CRB1: variants seen among roughly 807,000 people sequenced by gnomAD.
CRB1 encodes the protein crumbs cell polarity complex component 1.
In CRB1, 83 loss-of-function variants were observed where a neutral mutation model predicts 120.0. That is an observed-to-expected ratio of 0.69 (90% CI 0.58 to 0.83). The LOEUF (loss-of-function observed/expected upper bound fraction) is 0.83. CRB1 is among the 40% of genes least tolerant of loss of function. The pLI, the probability that CRB1 is intolerant of heterozygous loss-of-function variation, is 0.00. For missense variants in CRB1, 1,699 were observed against 1,687.6 expected, an observed-to-expected ratio of 1.01 and a Z score of -0.12; for synonymous variants, 625 against 612.5, an observed-to-expected ratio of 1.02 and a Z score of -0.30.
intron 1 of CRB1, among the ~76,000 whole-genome samples, chr1:197,297,271 C>T (rs567123220): frequency 1.2e-3 from 186 of 151,946 alleles, no homozygotes; most frequent in Non-Finnish European, 2.3e-3. Context: ...ATTATCTGCT[C>T]CTAATTGTTC....
chr1:197,477,607 G>A, intron 11 of CRB1, 57 bp from the exon 12 acceptor site: 2 of 1,530,704 alleles, frequency 1.3e-6, no homozygotes, highest in African/African-American at 1.4e-5. Context: ...CCATTGTCCT[G>A]AATATTTATT....
chr1:197,447,871 A>AG (rs1161277520), intron 11 of CRB1, among the ~76,000 whole-genome samples: 3 of 151,398 alleles, frequency 2.0e-5, no homozygotes, highest in Non-Finnish European at 4.4e-5. Context: ...AAAAAAAAAA[A>AG]AAAAGTCTGT....
Position 197,342,226 on chromosome 1 carries a change from A to G in CRB1, c.653-2055A>G, listed in dbSNP as rs145722316. ...AACCTGCTTTACAACAGAAATTGTC[A>G]CCACATCCTGAGGCTTCTCATTTCC... On this transcript the variant is annotated intron_variant, in intron 2 of 11. Coordinates refer to ENST00000367400, the MANE Select transcript of CRB1 (RefSeq NM_201253.3). 3.3e-3 allele frequency among the ~76,000 whole-genome samples: 499 copies of G among 152,308 alleles called. 2 individuals are homozygous for G. Among genetic ancestry groups the G allele is most frequent in the African/African-American group, 9.4e-3 (392 of 41,562 alleles).
At chr1:197,338,825 C>A (rs948220887) in intron 2 of CRB1, among the ~76,000 whole-genome samples, 3 of 151,922 alleles carry the variant, frequency 2.0e-5, no homozygotes, top group Non-Finnish European at 2.9e-5. Flanking sequence ...TTTTCTGTAT[C>A]ATCAGATTTA....
intron 4 of CRB1, among the ~76,000 whole-genome samples, chr1:197,349,383 C>T (rs1659958055): frequency 6.6e-6 from 1 of 152,180 alleles, no homozygotes. Flanking sequence ...TTTTTAAAAT[C>T]TAATTCTCAT....
chr1:197,316,425 C>T (rs1197744645), intron 1 of CRB1, among the ~76,000 whole-genome samples: 2 of 152,014 alleles, frequency 1.3e-5, no homozygotes, highest in Non-Finnish European at 2.9e-5. Context: ...CCTCGTGATC[C>T]GCCCGCCTCG....
At chr1:197,402,210 C>T (rs1027924020) in intron 5 of CRB1, among the ~76,000 whole-genome samples, 3 of 152,096 alleles carry the variant, frequency 2.0e-5, no homozygotes, top group African/African-American at 7.2e-5. Flanking sequence ...CCTCAACTTA[C>T]CCTCCATCCC....
At chr1:197,402,687 GTTT>G (rs1166776841) in intron 5 of CRB1, among the ~76,000 whole-genome samples, 1 of 152,040 alleles carries the variant, frequency 6.6e-6, no homozygotes, top group Non-Finnish European at 1.5e-5. Flanking sequence ...TAGTTTCTCA[GTTT>G]TGTTCTCTTA....
intron 5 of CRB1, among the ~76,000 whole-genome samples, chr1:197,391,490 T>C (rs528783117): frequency 2.6e-5 from 4 of 152,222 alleles, no homozygotes; most frequent in Non-Finnish European, 4.4e-5. Context: ...GTCACTGTAA[T>C]GGAAGATGAT....
chr1:197,324,560 A>G (rs1658388971), intron 1 of CRB1, among the ~76,000 whole-genome samples: 1 of 152,154 alleles, frequency 6.6e-6, no homozygotes, highest in South Asian at 2.1e-4. Flanking sequence ...TAGGCATTTT[A>G]TGTTCATTAA....
the CRB1 span, among the ~76,000 whole-genome samples, chr1:197,234,437 G>A: frequency 6.6e-6 from 1 of 152,236 alleles, no homozygotes; most frequent in Non-Finnish European, 1.5e-5. Context: ...GAGTGAGCTT[G>A]GAGAGAGATC....
chr1:197,288,365 C>T (rs1655960186), intron 1 of CRB1, among the ~76,000 whole-genome samples: 1 of 151,788 alleles, frequency 6.6e-6, no homozygotes, highest in African/African-American at 2.4e-5. Flanking sequence ...CAAATATTCT[C>T]CTCCAGATTC....
At chr1:197,338,542 T>C (rs1659280496) in intron 2 of CRB1, among the ~76,000 whole-genome samples, 1 of 152,166 alleles carries the variant, frequency 6.6e-6, no homozygotes, top group African/African-American at 2.4e-5. Flanking sequence ...TCCATGATAT[T>C]CTGGGAAGAT....
the CRB1 span, among the ~76,000 whole-genome samples, chr1:197,227,677 G>T: frequency 6.6e-6 from 1 of 152,042 alleles, no homozygotes; most frequent in African/African-American, 2.4e-5. Flanking sequence ...CTACAATTCT[G>T]GCGTCTGGGG....
At position 197,329,010 on chromosome 1, in the gene CRB1, G is replaced by A; in HGVS notation, c.652+7G>A. ...TGTCCCCACAATTATTCTGGTAAGT[G>A]TGATCATATCTGAATCACAGATGGT... On this transcript the variant is annotated splice_region_variant and intron_variant, in intron 2 of 11. Coordinates refer to ENST00000367400, the MANE Select transcript of CRB1 (RefSeq NM_201253.3). 2 of 1,605,934 alleles carry A rather than the reference G, an allele frequency of 1.2e-6. No homozygotes were observed.
intron 1 of CRB1, among the ~76,000 whole-genome samples, chr1:197,273,443 T>G (rs1159285133): frequency 6.6e-6 from 1 of 152,148 alleles, no homozygotes; most frequent in African/African-American, 2.4e-5. Flanking sequence ...TCTTTTATTC[T>G]TCTCCATACT....
chr1:197,229,723 C>G, the CRB1 span, among the ~76,000 whole-genome samples: 1 of 152,100 alleles, frequency 6.6e-6, no homozygotes, highest in African/African-American at 2.4e-5. Flanking sequence ...TTTTCTGTTT[C>G]TGCATTAATT....
rs1210439377 is a variant in CRB1 at position 197,434,944 on chromosome 1, G to T, written c.3081G>T (p.Gln1027His). 1 of 1,613,938 alleles carries T rather than the reference G, an allele frequency of 6.2e-7. No individual in the cohort carries two copies. The highest frequency in any genetic ancestry group is 2.2e-5 in the East Asian group (1 of 44,878). The stretch of plus-strand genomic sequence containing the variant: ...ATATGCTAAGTCTGACAAGTTTGCA[G>T]TCAGTGAATGATGGCACATGGCACG... ...SFYMLSLTSL[Q>H]SVNDGTWHEV... is the part of the protein sequence containing the mutation. The change falls in exon 9 of 12, where the codon CAG (glutamine) becomes CAT (histidine). Residue 1027 changes from glutamine (Q) to histidine (H), a missense_variant. By Grantham distance (24) the Gln-to-His change is conservative. Coordinates refer to ENST00000367400, the MANE Select transcript of CRB1 (RefSeq NM_201253.3).
chr1:197,269,565 T>A (rs556213162), intron 1 of CRB1, among the ~76,000 whole-genome samples: 1 of 152,210 alleles, frequency 6.6e-6, no homozygotes, highest in African/African-American at 2.4e-5. Context: ...TAAATAGTTA[T>A]TTACCCTCCT....
Sources: allele counts gnomAD v4.1 joint callset (sites outside exome capture counted in the v4.1 genomes callset), GRCh38; gene constraint gnomAD v4.1.1; transcripts MANE v1.5; gene names NCBI Gene and HGNC (gene_info 2026-07-23, HGNC 2026-07-21).